Variants in NAA35 observed in about 807,000 individuals in gnomAD.
NAA35 encodes the protein N-alpha-acetyltransferase 35, NatC auxiliary subunit, also known as MAK10 homolog, amino-acid N-acetyltransferase subunit.
A neutral mutation model predicts 101.7 loss-of-function variants in NAA35; 18 were observed. The ratio of observed to expected loss-of-function variants is 0.18; its 90% confidence interval spans 0.12 to 0.26. The LOEUF is 0.26. Ranked by LOEUF, NAA35 falls within the 10% of genes least tolerant of loss-of-function variation. The probability of loss-of-function intolerance (pLI) is 1.00; values close to 1 mark genes in which losing one functional copy is unlikely to be tolerated. For missense variants in NAA35, 601 were observed against 886.8 expected (o/e 0.68, Z 4.09); for synonymous variants, 267 against 273.1 (o/e 0.98, Z 0.22).
At chr9:85,985,068 A>T (rs745928495) in intron 11 of NAA35, among the ~76,000 whole-genome samples, 1 of 152,230 alleles carries the variant, frequency 6.6e-6, no homozygotes, top group Non-Finnish European at 1.5e-5. Context: ...CAACAACATT[A>T]GTCTTCAGGG....
chr9:85,958,444 T>A lies in NAA35; in HGVS notation c.159-28T>A, dbSNP rs766809411. 1.6e-5 allele frequency: 23 copies of A among 1,467,212 alleles called. No homozygotes were observed. In the African/African-American group the frequency reaches 3.2e-4, roughly 21 times the overall value. 90.9% of individuals were successfully genotyped at this position (1,467,212 alleles called of 1,614,324 possible). A position where few individuals can be genotyped will look rare whatever the true frequency, so the allele number is the denominator to read the frequency against. ...AATAAGCTTACTGGCTCAAAAACAA[T>A]TTGTTGGCTCAATTTTTTTATTTGC... On this transcript the variant is annotated intron_variant, in intron 3 of 22. Coordinates refer to ENST00000361671, the MANE Select transcript of NAA35 (RefSeq NM_024635.4).
chr9:85,995,722 A>T (rs1831126846), intron 11 of NAA35, among the ~76,000 whole-genome samples: 1 of 152,136 alleles, frequency 6.6e-6, no homozygotes, highest in African/African-American at 2.4e-5. Context: ...CATTTTAGCG[A>T]TATACTCCCT....
rs373380797 is a variant in NAA35 at position 86,013,033 on chromosome 9, A to C, written c.1291-13A>C. On this transcript the variant is annotated splice_polypyrimidine_tract_variant and intron_variant, in intron 15 of 22. Transcript: ENST00000361671. ...TTCATATTTACAGTTGACAAATTAT[A>C]TGTGTATTGCAGCCATTCTGTAGTC... The C allele has an allele frequency of 1.5e-5, 22 of 1,470,784 alleles. No individual in the cohort carries two copies. The African/African-American group carries it at 2.9e-4, about 19-fold the overall frequency. 91.1% of individuals were successfully genotyped at this position (1,470,784 alleles called of 1,614,324 possible).
intron 2 of NAA35, among the ~76,000 whole-genome samples, chr9:85,950,756 T>G (rs1012644959): frequency 2.6e-5 from 4 of 152,224 alleles, no homozygotes; most frequent in Non-Finnish European, 5.9e-5. Context: ...CCATTATACT[T>G]TTTAAAATTA....
chr9:85,950,907 C>G (rs192585800), intron 2 of NAA35, among the ~76,000 whole-genome samples: 15 of 152,010 alleles, frequency 9.9e-5, no homozygotes. Context: ...GAGGCCAAGG[C>G]GGGTGGATTA....
At chr9:85,964,999 C>A (rs577840579) in intron 6 of NAA35, among the ~76,000 whole-genome samples, 1 of 152,272 alleles carries the variant, frequency 6.6e-6, no homozygotes, top group African/African-American at 2.4e-5. Flanking sequence ...GTGATGGTTG[C>A]AAAATTTGTA....
chr9:85,977,111 G>A (rs1185591070), intron 9 of NAA35, among the ~76,000 whole-genome samples: 1 of 152,048 alleles, frequency 6.6e-6, no homozygotes, highest in African/African-American at 2.4e-5. Context: ...GTTTTTTGAG[G>A]TAATAGTGTA....
Position 85,942,200 on chromosome 9 carries a change from G to T in NAA35, c.41G>T (p.Trp14Leu). ...TCTGTAGATGATGACGATTCAGGATGGGAGCTCAGTATGCCAGAAAAAATG... is the reference window on the plus strand; with the variant it reads ...TCTGTAGATGATGACGATTCAGGATTGGAGCTCAGTATGCCAGAAAAAATG... ...KASVDDDDSG[W>L]ELSMPEKMEK... Residue 14 changes from tryptophan (W) to leucine (L), a missense_variant, in exon 2 of 23, where the codon TGG becomes TTG. Transcript: ENST00000361671. 6.2e-7 allele frequency: 1 copy of T among 1,614,148 alleles called. No individual in the cohort carries two copies. The highest frequency in any genetic ancestry group is 2.2e-5 in the East Asian group (1 of 44,880).
chr9:85,953,417 T>A (rs531968685), intron 2 of NAA35, among the ~76,000 whole-genome samples: 1 of 152,000 alleles, frequency 6.6e-6, no homozygotes, highest in Non-Finnish European at 1.5e-5. Context: ...CAACCAGCAG[T>A]CTACACTATG....
At chr9:85,987,083 G>T (rs1182448729) in intron 11 of NAA35, 1 of 152,332 alleles carries the variant, frequency 6.6e-6, no homozygotes, top group Non-Finnish European at 1.5e-5. Context: ...CTGCAAGTGG[G>T]ACAAGCTTGA....
chr9:85,986,966 AATG>A (rs1830676492), intron 11 of NAA35: 1 of 159,764 alleles, frequency 6.3e-6, no homozygotes, highest in South Asian at 1.7e-4. Flanking sequence ...AAAATATGCT[AATG>A]AGAGCTGATG....
intron 2 of NAA35, among the ~76,000 whole-genome samples, chr9:85,951,373 C>T (rs983438579): frequency 6.6e-6 from 1 of 152,080 alleles, no homozygotes; most frequent in Non-Finnish European, 1.5e-5. Flanking sequence ...TAAATTTGGC[C>T]TCACCAAATA....
At position 85,989,211 on chromosome 9, in the gene NAA35, G is replaced by A. The variant is rs183490007; in HGVS notation, c.878-7188G>A. Among the ~76,000 whole-genome samples the A allele has an allele frequency of 3.9e-5, 6 of 152,244 alleles. 1 individual carries two copies. The highest frequency in any genetic ancestry group is 1.3e-4 in the Admixed American group (2 of 15,300). Reference sequence around the variant, plus strand: ...TGACCTGCTGGGCGTGGTGGCTCACGCCTGTAATCCCAGCACTTTGGGAGG... The same window carrying A: ...TGACCTGCTGGGCGTGGTGGCTCACACCTGTAATCCCAGCACTTTGGGAGG... On this transcript the variant is annotated intron_variant, in intron 11 of 22. Coordinates refer to ENST00000361671, the MANE Select transcript of NAA35 (RefSeq NM_024635.4).
intron 8 of NAA35, 87 bp from the exon 9 acceptor site, chr9:85,976,598 A>T: frequency 2.0e-6 from 2 of 985,784 alleles, no homozygotes; most frequent in Admixed American, 5.6e-5. Context: ...TCTTGTGTAT[A>T]CTTAAAAAAT....
chr9:85,986,743 C>G (rs1389496901), intron 11 of NAA35: 1 of 272,970 alleles, frequency 3.7e-6, no homozygotes, highest in Non-Finnish European at 7.1e-6. Flanking sequence ...TGTCACCATG[C>G]CCGGCTAACT....
At chr9:85,941,715 G>T in intron 1 of NAA35, 2 of 986,772 alleles carry the variant, frequency 2.0e-6, no homozygotes, top group Non-Finnish European at 2.4e-6. Context: ...CCCGGGAGAG[G>T]TCCCAGCGAG....
chr9:85,994,620 A>C (rs1831076990), intron 11 of NAA35, among the ~76,000 whole-genome samples: 1 of 152,204 alleles, frequency 6.6e-6, no homozygotes, highest in African/African-American at 2.4e-5. Flanking sequence ...TAAATAATAT[A>C]GTGTCTCTCT....
chr9:85,993,610 A>G (rs888460128), intron 11 of NAA35, among the ~76,000 whole-genome samples: 1 of 152,194 alleles, frequency 6.6e-6, no homozygotes, highest in Admixed American at 6.5e-5. Flanking sequence ...ATGGTTGTAC[A>G]TATTTTTCAG....
intron 10 of NAA35, among the ~76,000 whole-genome samples, 162 bp from the exon 11 acceptor site, chr9:85,978,105 C>G (rs1830290766): frequency 6.6e-6 from 1 of 151,916 alleles, no homozygotes; most frequent in Non-Finnish European, 1.5e-5. Flanking sequence ...CATTTTCTAT[C>G]CTAACAGGAT....
Sources: gnomAD v4.1 joint callset for allele counts (sites outside exome capture counted in the v4.1 genomes callset) on GRCh38, gnomAD v4.1.1 for gene constraint, MANE v1.5 for transcripts, NCBI Gene and HGNC (gene_info 2026-07-23, HGNC 2026-07-21) for gene names.